The following SLC25A26 variants were observed in gnomAD, a reference collection of about 807,000 sequenced individuals.
SLC25A26 encodes the protein solute carrier family 25 member 26, also known as mitochondrial S-adenosylmethionine carrier protein.
Under a neutral mutation model 37.8 loss-of-function variants are expected in SLC25A26, and 36 were observed. That is an observed-to-expected ratio of 0.95 (90% CI 0.73 to 1.26). SLC25A26 has a LOEUF of 1.26. SLC25A26 is among the 50% of genes most tolerant of loss of function. The pLI, the probability that SLC25A26 is intolerant of heterozygous loss-of-function variation, is 0.00. For missense variants in SLC25A26, 390 were observed against 331.1 expected (o/e 1.18, Z -1.38); for synonymous variants, 129 against 122.5 (o/e 1.05, Z -0.35).
At chr3:66,198,153 A>G (rs1285023377) in intron 1 of SLC25A26, among the ~76,000 whole-genome samples, 8 of 151,994 alleles carry the variant, frequency 5.3e-5, no homozygotes, top group African/African-American at 1.7e-4. Flanking sequence ...GTGTAAGAGT[A>G]TTATCTGGGT....
At chr3:66,184,693 C>A (rs1250555519) in intron 1 of SLC25A26, among the ~76,000 whole-genome samples, 1 of 55,542 alleles carries the variant, frequency 1.8e-5, no homozygotes, top group Admixed American at 1.3e-4. Flanking sequence ...CTCATCTGGC[C>A]CTCCCTCTTG....
At chr3:66,282,756 C>T (rs1000894545) in intron 5 of SLC25A26, among the ~76,000 whole-genome samples, 8 of 152,144 alleles carry the variant, frequency 5.3e-5, no homozygotes, top group Non-Finnish European at 1.0e-4. Context: ...GTGAATTCAG[C>T]GTACGTATAG....
chr3:66,155,593 A>T (rs1162843002), intron 1 of SLC25A26, among the ~76,000 whole-genome samples: 1 of 152,244 alleles, frequency 6.6e-6, no homozygotes, highest in Non-Finnish European at 1.5e-5. Flanking sequence ...GATGGCTCCT[A>T]TGTGGTAGGA....
intron 1 of SLC25A26, among the ~76,000 whole-genome samples, chr3:66,157,789 AT>A (rs1288902747): frequency 6.6e-6 from 1 of 152,164 alleles, no homozygotes; most frequent in African/African-American, 2.4e-5. Flanking sequence ...TTAAACATTT[AT>A]TTAAAAAAAT....
chr3:66,325,739 G>A (rs1392939384), intron 5 of SLC25A26, among the ~76,000 whole-genome samples: 1 of 152,188 alleles, frequency 6.6e-6, no homozygotes, highest in African/African-American at 2.4e-5. Flanking sequence ...CCGGTTATGG[G>A]AAATGAGCCA....
At chr3:66,157,406 A>G (rs1296671266) in intron 1 of SLC25A26, among the ~76,000 whole-genome samples, 1 of 152,226 alleles carries the variant, frequency 6.6e-6, no homozygotes, top group Non-Finnish European at 1.5e-5. Flanking sequence ...TCTAGGCAAC[A>G]CAGTGAGACT....
At chr3:66,139,461 A>G (rs765065193) in intron 1 of SLC25A26, among the ~76,000 whole-genome samples, 2 of 151,946 alleles carry the variant, frequency 1.3e-5, no homozygotes, top group Non-Finnish European at 1.5e-5. Flanking sequence ...GCTCCCCCCT[A>G]TCAGGAGATA....
chr3:66,277,302 G>C (rs893243678), intron 5 of SLC25A26, among the ~76,000 whole-genome samples: 2 of 152,128 alleles, frequency 1.3e-5, no homozygotes, highest in African/African-American at 4.8e-5. Flanking sequence ...ATCTCTAAAA[G>C]ATAACTGTAA....
At chr3:66,363,596 AAG>A (rs1317673017) in intron 7 of SLC25A26, among the ~76,000 whole-genome samples, 24 of 152,250 alleles carry the variant, frequency 1.6e-4, no homozygotes, top group Non-Finnish European at 3.5e-4. Context: ...TTAAAAGCCT[AAG>A]AGAGAAGTAT....
At chr3:66,311,587 T>C (rs2075378877) in intron 5 of SLC25A26, among the ~76,000 whole-genome samples, 1 of 152,182 alleles carries the variant, frequency 6.6e-6, no homozygotes, top group Non-Finnish European at 1.5e-5. Context: ...TTTGGAGTTT[T>C]CAGCCTTTTT....
At chr3:66,172,484 C>G (rs2070515912) in intron 1 of SLC25A26, among the ~76,000 whole-genome samples, 1 of 143,808 alleles carries the variant, frequency 7.0e-6, no homozygotes, top group Non-Finnish European at 1.5e-5. Flanking sequence ...ATTTTCAGTT[C>G]AGGAAACTAA....
chr3:66,346,808 G>A (rs1671975157), intron 6 of SLC25A26, among the ~76,000 whole-genome samples: 1 of 149,308 alleles, frequency 6.7e-6, no homozygotes, highest in South Asian at 2.1e-4. Flanking sequence ...GAGGAAAAAT[G>A]CAAAGCCTTG....
At chr3:66,228,138 T>C (rs2071842731) in intron 1 of SLC25A26, among the ~76,000 whole-genome samples, 1 of 152,220 alleles carries the variant, frequency 6.6e-6, no homozygotes, top group Non-Finnish European at 1.5e-5. Context: ...TAAACACAAG[T>C]ATATTCCAAA....
intron 1 of SLC25A26, among the ~76,000 whole-genome samples, chr3:66,146,294 C>A (rs2106678834): frequency 6.6e-6 from 1 of 151,188 alleles, no homozygotes; most frequent in East Asian, 1.9e-4. Context: ...GAGCCAAGGT[C>A]ACTCCACTGC....
At chr3:66,174,630 G>C (rs924694948) in intron 1 of SLC25A26, among the ~76,000 whole-genome samples, 1 of 151,420 alleles carries the variant, frequency 6.6e-6, no homozygotes, top group Admixed American at 6.6e-5. Flanking sequence ...AAAAAACACA[G>C]AAAAAATTAG....
chr3:66,326,813 A>T (rs577079555), intron 5 of SLC25A26, among the ~76,000 whole-genome samples: 1 of 152,274 alleles, frequency 6.6e-6, no homozygotes, highest in African/African-American at 2.4e-5. Context: ...AAAAGGACAC[A>T]TCTCTGGTAA....
chr3:66,161,065 A>G (rs906920817), intron 1 of SLC25A26, among the ~76,000 whole-genome samples: 7 of 152,054 alleles, frequency 4.6e-5, no homozygotes, highest in African/African-American at 1.4e-4. Context: ...ATGGTTTGTT[A>G]TCCATATATT....
At chr3:66,314,089 C>T (rs2075462325) in intron 5 of SLC25A26, among the ~76,000 whole-genome samples, 1 of 152,108 alleles carries the variant, frequency 6.6e-6, no homozygotes, top group Admixed American at 6.6e-5. Context: ...GACTTCCTCT[C>T]TTCTTGTTTG....
intron 5 of SLC25A26, among the ~76,000 whole-genome samples, chr3:66,269,540 T>C (rs2073881041): frequency 6.6e-6 from 1 of 152,230 alleles, no homozygotes; most frequent in Admixed American, 6.5e-5. Flanking sequence ...AGATTCCTAA[T>C]GGAAGTGTGT....
Sources: allele counts gnomAD v4.1 joint callset (sites outside exome capture counted in the v4.1 genomes callset), GRCh38; gene constraint gnomAD v4.1.1; transcripts MANE v1.5; gene names NCBI Gene and HGNC (gene_info 2026-07-23, HGNC 2026-07-21).